The following TIAM1 variants were observed in gnomAD, a reference collection of about 807,000 sequenced individuals.
The protein encoded by TIAM1 is rho guanine nucleotide exchange factor TIAM1.
Under a neutral mutation model 163.5 loss-of-function variants are expected in TIAM1, and 65 were observed. The observed-to-expected ratio is 0.40, with a 90% CI of 0.33 to 0.49. The LOEUF is 0.49. Among genes scored for constraint, TIAM1 ranks in the 20% least tolerant of loss-of-function variants. The probability of loss-of-function intolerance (pLI) is 0.77; values close to 1 mark genes in which losing one functional copy is unlikely to be tolerated. For missense variants in TIAM1, 1,789 were observed against 2,044.7 expected (o/e 0.87, Z 2.41); for synonymous variants, 833 against 810.1 (o/e 1.03, Z -0.48).
chr21:31,473,468 A>AAAAAAAT (rs2045827828), intron 1 of TIAM1, among the ~76,000 whole-genome samples: 1 of 121,066 alleles, frequency 8.3e-6, no homozygotes, highest in Non-Finnish European at 1.7e-5. Context: ...AAAAAAAAAC[A>AAAAAAAT]TGGCTTAGAA....
chr21:31,487,778 C>T (rs2046326198), intron 1 of TIAM1, among the ~76,000 whole-genome samples: 1 of 151,424 alleles, frequency 6.6e-6, no homozygotes. Flanking sequence ...AGGATGGTCT[C>T]GATCTCCTGA....
chr21:31,128,737 C>T (rs780547324), intron 25 of TIAM1, among the ~76,000 whole-genome samples: 8 of 152,126 alleles, frequency 5.3e-5, no homozygotes, highest in Non-Finnish European at 7.3e-5. Flanking sequence ...AGAGAGAAAC[C>T]TTCTAAAACA....
At chr21:31,530,468 T>C (rs2047935120) in intron 1 of TIAM1, among the ~76,000 whole-genome samples, 1 of 152,236 alleles carries the variant, frequency 6.6e-6, no homozygotes, top group East Asian at 1.9e-4. Flanking sequence ...CACAACAGTG[T>C]AGCTTTTCAG....
chr21:31,242,382 C>T (rs557516562), intron 6 of TIAM1, among the ~76,000 whole-genome samples: 4 of 151,516 alleles, frequency 2.6e-5, no homozygotes, highest in Non-Finnish European at 5.9e-5. Flanking sequence ...AATTAGCTGG[C>T]TGTGGTGGTG....
intron 9 of TIAM1, among the ~76,000 whole-genome samples, chr21:31,217,103 A>T (rs2087260212): frequency 6.6e-6 from 1 of 151,916 alleles, no homozygotes; most frequent in Admixed American, 6.6e-5. Flanking sequence ...GCTACTCGGG[A>T]GGCTGAGGCA....
chr21:31,473,024 C>T (rs764160844), intron 1 of TIAM1, among the ~76,000 whole-genome samples: 32 of 152,132 alleles, frequency 2.1e-4, no homozygotes, highest in East Asian at 3.9e-4. Context: ...CAAAGATGCA[C>T]GGTCTGGAGC....
At chr21:31,388,520 T>C (rs1033877115) in intron 2 of TIAM1, among the ~76,000 whole-genome samples, 1 of 148,612 alleles carries the variant, frequency 6.7e-6, no homozygotes, top group Non-Finnish European at 1.5e-5. Context: ...AAGCCAAGCA[T>C]GGTGATGCAC....
rs192964908 is a variant in TIAM1, at chr21:31,244,463, A to G, written c.1584+1025T>C. ...CTGTCAGCTGGGCGCAGTGGCTTAC[A>G]CCTGTAATCCCAGCACTTTGGTAGG... On this transcript the variant is annotated intron_variant, in intron 6 of 27. Transcript: ENST00000541036. Among the ~76,000 whole-genome samples, 451 of 152,272 alleles carry G rather than the reference A, an allele frequency of 3.0e-3. 3 individuals carry two copies. The highest frequency in any genetic ancestry group is 0.01 in the African/African-American group (432 of 41,542).
intron 13 of TIAM1, among the ~76,000 whole-genome samples, chr21:31,189,954 C>T (rs540542600): frequency 3.9e-5 from 6 of 152,234 alleles, no homozygotes; most frequent in Non-Finnish European, 7.3e-5. Flanking sequence ...ACTCTAATAT[C>T]GTCCAAAATG....
chr21:31,267,975 C>T (rs988627754), intron 3 of TIAM1, among the ~76,000 whole-genome samples: 1 of 152,198 alleles, frequency 6.6e-6, no homozygotes, highest in African/African-American at 2.4e-5. Flanking sequence ...CTGTTACCCA[C>T]AGTGGGAAAG....
At chr21:31,159,254 G>C (rs2083778919) in intron 16 of TIAM1, among the ~76,000 whole-genome samples, 1 of 152,090 alleles carries the variant, frequency 6.6e-6, no homozygotes, top group Admixed American at 6.6e-5. Context: ...ACAATGGCAA[G>C]AGGAAATGGG....
intron 2 of TIAM1, among the ~76,000 whole-genome samples, chr21:31,282,619 C>T (rs2073619555): frequency 6.6e-6 from 1 of 152,190 alleles, no homozygotes; most frequent in Non-Finnish European, 1.5e-5. Flanking sequence ...GCTGAGATAG[C>T]AATAAGGATT....
At chr21:31,152,238 G>A (rs904447230) in intron 19 of TIAM1, among the ~76,000 whole-genome samples, 4 of 152,026 alleles carry the variant, frequency 2.6e-5, no homozygotes, top group Non-Finnish European at 5.9e-5. Context: ...TTGCCACGTT[G>A]GCCAGGCTGG....
chr21:31,546,681 T>C (rs988379340), intron 1 of TIAM1, among the ~76,000 whole-genome samples: 1 of 152,144 alleles, frequency 6.6e-6, no homozygotes, highest in East Asian at 1.9e-4. Context: ...AAATATTTTA[T>C]TCATGGCAAA....
At chr21:31,139,659 C>T (rs540915759) in intron 22 of TIAM1, among the ~76,000 whole-genome samples, 18 of 152,190 alleles carry the variant, frequency 1.2e-4, no homozygotes, top group Admixed American at 1.0e-3. Flanking sequence ...AGAGCTAAGT[C>T]CAGGGTGGCA....
chr21:31,340,934 A>C (rs1468849370), intron 1 of TIAM1, among the ~76,000 whole-genome samples: 1 of 152,134 alleles, frequency 6.6e-6, no homozygotes. Flanking sequence ...TAAGATAATC[A>C]ACTAGGAAAA....
intron 1 of TIAM1, among the ~76,000 whole-genome samples, chr21:31,487,381 C>CT (rs910249847): frequency 6.6e-6 from 1 of 151,974 alleles, no homozygotes; most frequent in Non-Finnish European, 1.5e-5. Flanking sequence ...TTTCTTTTTT[C>CT]TTTTTTTGAG....
At chr21:31,206,936 T>TACACACACAC (rs142792769) in intron 11 of TIAM1, among the ~76,000 whole-genome samples, 2,100 of 151,348 alleles carry the variant, frequency 0.014, 60 homozygotes, top group African/African-American at 0.048. Context: ...GAAATATGTA[T>TACACACACAC]ACACACACAC....
At chr21:31,467,437 C>T (rs1401871031) in intron 1 of TIAM1, among the ~76,000 whole-genome samples, 1 of 152,040 alleles carries the variant, frequency 6.6e-6, no homozygotes, top group East Asian at 1.9e-4. Context: ...ACCAGCCTAG[C>T]CAATATGGTG....
Sources: allele counts gnomAD v4.1 joint callset (sites outside exome capture counted in the v4.1 genomes callset), GRCh38; gene constraint gnomAD v4.1.1; transcripts MANE v1.5; gene names NCBI Gene and HGNC (gene_info 2026-07-23, HGNC 2026-07-21).